Variants in PCDH7 observed in about 807,000 individuals in gnomAD.
PCDH7 encodes the protein protocadherin-7.
In PCDH7, 17 loss-of-function variants were observed where a neutral mutation model predicts 58.9. That is an observed-to-expected ratio of 0.29 (90% confidence interval 0.20 to 0.43). PCDH7 has a LOEUF of 0.43. Ranked by LOEUF, PCDH7 falls within the 20% of genes least tolerant of loss-of-function variation. The pLI, the probability that PCDH7 is intolerant of heterozygous loss-of-function variation, is 1.00. For missense variants in PCDH7, 1,274 were observed against 1,441.0 expected (o/e 0.88, Z 1.88); for synonymous variants, 664 against 616.4 (o/e 1.08, Z -1.14).
chr4:30,981,681 A>T (rs566372592), intron 3 of PCDH7, among the ~76,000 whole-genome samples: 2 of 152,336 alleles, frequency 1.3e-5, no homozygotes, highest in African/African-American at 4.8e-5. Flanking sequence ...TACAGCTTCC[A>T]AGAATAATAA....
intron 1 of PCDH7, among the ~76,000 whole-genome samples, chr4:30,810,492 ATAAAG>A (rs1171778821): frequency 6.6e-6 from 1 of 152,064 alleles, no homozygotes; most frequent in Non-Finnish European, 1.5e-5. Context: ...CTTCATCATA[ATAAAG>A]TAAATAAAAT....
At chr4:30,798,682 C>T (rs879699364) in intron 1 of PCDH7, among the ~76,000 whole-genome samples, 4 of 152,044 alleles carry the variant, frequency 2.6e-5, no homozygotes, top group Non-Finnish European at 5.9e-5. Flanking sequence ...AAGAGACTTT[C>T]CTTGGTGTTA....
Position 30,753,335 on chromosome 4 carries a change from A to T in PCDH7, c.70+28739A>T, listed in dbSNP as rs1320132268. ...TAAGGAACCAGAATGAAAATGCCTC[A>T]GTTTATATACATGGTCGTGGTAAGC... On this transcript the variant is annotated intron_variant, in intron 1 of 3. Transcript: ENST00000509759. 3.3e-5 allele frequency among the ~76,000 whole-genome samples: 5 copies of T among 152,350 alleles called. No individual in the cohort carries two copies. In the East Asian group the frequency reaches 9.6e-4, roughly 29 times the overall value.
chr4:30,726,794 G>A (rs1483324422), intron 1 of PCDH7, among the ~76,000 whole-genome samples: 1 of 152,052 alleles, frequency 6.6e-6, no homozygotes, highest in Non-Finnish European at 1.5e-5. Flanking sequence ...TCCCCTTAAT[G>A]TAATTAGTAA....
At position 31,140,706 on chromosome 4, in the gene PCDH7, A is replaced by G. The variant is rs538450755; in HGVS notation, c.*8-1767A>G. Among the ~76,000 whole-genome samples the G allele has an allele frequency of 3.0e-4, 45 of 152,180 alleles. 1 individual carries two copies. The highest frequency in any genetic ancestry group is 1.0e-3 in the African/African-American group (43 of 41,568). On this transcript the variant is annotated intron_variant, in intron 3 of 3. Transcript: ENST00000509759. ...CATTTAAACCAACTAGATTACAAAA[A>G]CCACTAATAAAATTTGTCAATAATT...
intron 1 of PCDH7, among the ~76,000 whole-genome samples, chr4:30,742,451 A>G (rs1020449714): frequency 6.6e-6 from 1 of 152,156 alleles, no homozygotes; most frequent in Non-Finnish European, 1.5e-5. Flanking sequence ...ATGGCTTCGA[A>G]AAAACAAATT....
intron 3 of PCDH7, among the ~76,000 whole-genome samples, chr4:31,035,962 C>T (rs1755375266): frequency 6.6e-6 from 1 of 152,074 alleles, no homozygotes; most frequent in Non-Finnish European, 1.5e-5. Context: ...GGACTTTCAC[C>T]TTTGATTTTT....
At chr4:30,740,523 G>A (rs1233571735) in intron 1 of PCDH7, among the ~76,000 whole-genome samples, 1 of 151,796 alleles carries the variant, frequency 6.6e-6, no homozygotes, top group Admixed American at 6.6e-5. Context: ...TATATCATTA[G>A]TACAGGTAGG....
At chr4:30,973,247 C>G (rs1249496807) in intron 3 of PCDH7, among the ~76,000 whole-genome samples, 3 of 152,136 alleles carry the variant, frequency 2.0e-5, no homozygotes, top group African/African-American at 7.2e-5. Context: ...ATGAAAGGTA[C>G]TACAAGACAG....
Position 30,849,419 on chromosome 4 carries a change from G to T in PCDH7, c.71-70734G>T, listed in dbSNP as rs58976542. Among the ~76,000 whole-genome samples, 20 of 152,174 alleles carry T rather than the reference G, an allele frequency of 1.3e-4. No individual in the cohort carries two copies. In the East Asian group the frequency reaches 3.7e-3, roughly 28 times the overall value. On this transcript the variant is annotated intron_variant, in intron 1 of 3. Transcript: ENST00000509759. The stretch of plus-strand genomic sequence containing the variant: ...ACCTTTCAGGGCCTTTGCCCATTTC[G>T]TGTTACTTTCAGTCTTCTTCCCTCC...
chr4:30,899,103 G>A (rs1739851947), intron 1 of PCDH7, among the ~76,000 whole-genome samples: 1 of 152,020 alleles, frequency 6.6e-6, no homozygotes, highest in Non-Finnish European at 1.5e-5. Context: ...TGTGTTTATA[G>A]GATAGGAATG....
chr4:30,838,273 TG>T (rs1206324748), intron 1 of PCDH7, among the ~76,000 whole-genome samples: 2 of 152,166 alleles, frequency 1.3e-5, no homozygotes, highest in Admixed American at 1.3e-4. Flanking sequence ...ACCATAGGCA[TG>T]TGGTTCTCCC....
At chr4:30,899,394 A>C (rs1412276152) in intron 1 of PCDH7, among the ~76,000 whole-genome samples, 1 of 152,142 alleles carries the variant, frequency 6.6e-6, no homozygotes, top group Non-Finnish European at 1.5e-5. Flanking sequence ...TTCTTGTTTA[A>C]TAATCATCCC....
At chr4:30,981,861 T>TATTTTACACTGTAGA (rs1750600597) in intron 3 of PCDH7, among the ~76,000 whole-genome samples, 1 of 152,192 alleles carries the variant, frequency 6.6e-6, no homozygotes, top group Non-Finnish European at 1.5e-5. Flanking sequence ...AGAGTTCATA[T>TATTTTACACTGTAGA]ATTTTACACT....
chr4:30,839,069 C>A (rs2109336843), intron 1 of PCDH7, among the ~76,000 whole-genome samples: 1 of 151,788 alleles, frequency 6.6e-6, no homozygotes, highest in African/African-American at 2.4e-5. Flanking sequence ...AATATTGTTT[C>A]TCCAATTAAT....
chr4:30,897,775 T>G (rs1362513842), intron 1 of PCDH7, among the ~76,000 whole-genome samples: 1 of 152,220 alleles, frequency 6.6e-6, no homozygotes, highest in Non-Finnish European at 1.5e-5. Flanking sequence ...TGTAAACCAA[T>G]GAAATAGGTT....
chr4:31,029,076 T>C (rs35528558), intron 3 of PCDH7, among the ~76,000 whole-genome samples: 24,774 of 152,224 alleles, frequency 0.16, 2,678 homozygotes, highest in Middle Eastern at 0.27. Context: ...TAGCAAATTT[T>C]AAATATTTCT....
intron 2 of PCDH7, among the ~76,000 whole-genome samples, chr4:30,939,854 G>A (rs1745813166): frequency 6.6e-6 from 1 of 151,994 alleles, no homozygotes; most frequent in South Asian, 2.1e-4. Context: ...CTTAAAATAA[G>A]CATTTATTAC....
chr4:31,007,545 T>C (rs1385400188), intron 3 of PCDH7, among the ~76,000 whole-genome samples: 1 of 151,986 alleles, frequency 6.6e-6, no homozygotes, highest in Non-Finnish European at 1.5e-5. Flanking sequence ...GAAAGTGCTA[T>C]GCAATATTTT....
Sources: gnomAD v4.1 joint callset for allele counts (sites outside exome capture counted in the v4.1 genomes callset) on GRCh38, gnomAD v4.1.1 for gene constraint, MANE v1.5 for transcripts, NCBI Gene and HGNC (gene_info 2026-07-23, HGNC 2026-07-21) for gene names.